The following ARHGAP28 variants were observed in gnomAD, a reference collection of about 807,000 sequenced individuals.
ARHGAP28 encodes the protein Rho GTPase activating protein 28.
A neutral mutation model predicts 90.7 loss-of-function variants in ARHGAP28; 56 were observed. That is an observed-to-expected ratio of 0.62 (90% CI 0.50 to 0.77). The LOEUF (loss-of-function observed/expected upper bound fraction) is 0.77. ARHGAP28 is among the 30% of genes least tolerant of loss of function. The pLI is 0.00. For synonymous variants in ARHGAP28, 308 were observed against 323.3 expected (o/e 0.95, Z 0.51); for missense variants, 869 against 900.9 (o/e 0.96, Z 0.45).
chr18:6,912,349 G>T lies in ARHGAP28; in HGVS notation c.*195G>T. 2.7e-6 allele frequency: 1 copy of T among 367,944 alleles called. No homozygotes were observed. Among genetic ancestry groups the T allele is most frequent in the Admixed American group, 4.5e-5 (1 of 22,400 alleles). 22.8% of individuals were successfully genotyped at this position (367,944 alleles called of 1,614,324 possible). A position where few individuals can be genotyped will look rare whatever the true frequency, so the allele number is the denominator to read the frequency against. On this transcript the variant is annotated 3_prime_UTR_variant, in exon 18 of 18. Transcript: ENST00000383472. ...ACCAATTCAACTGAAGCTTTCTCAT[G>T]ACTTTTTTTTTTATAAAAGTAAAGG...
intron 12 of ARHGAP28, among the ~76,000 whole-genome samples, chr18:6,889,271 T>C (rs1226406814): frequency 6.6e-6 from 1 of 152,200 alleles, no homozygotes; most frequent in African/African-American, 2.4e-5. Flanking sequence ...ATTCTTTATT[T>C]TTTTTAATGC....
chr18:6,886,922 C>T (rs577381794), intron 11 of ARHGAP28, among the ~76,000 whole-genome samples: 5 of 152,210 alleles, frequency 3.3e-5, no homozygotes, highest in South Asian at 2.1e-4. Context: ...CAGAATTATT[C>T]TGAGGATCTC....
intron 4 of ARHGAP28, among the ~76,000 whole-genome samples, chr18:6,854,495 CTT>C (rs1175972779): frequency 6.6e-6 from 1 of 152,110 alleles, no homozygotes; most frequent in African/African-American, 2.4e-5. Flanking sequence ...TCTATTATGT[CTT>C]AAATTCTTTT....
At chr18:6,821,939 ACTT>A (rs1462460481) in intron 1 of ARHGAP28, among the ~76,000 whole-genome samples, 1 of 152,164 alleles carries the variant, frequency 6.6e-6, no homozygotes, top group Admixed American at 6.6e-5. Context: ...CAAATTTCAT[ACTT>A]CTTCAAATAT....
At chr18:6,873,872 G>T (rs2057110097) in intron 9 of ARHGAP28, 97 bp downstream of exon 9, 1 of 1,064,068 alleles carries the variant, frequency 9.4e-7, no homozygotes, top group Non-Finnish European at 1.4e-6. Context: ...TATATTTAAA[G>T]ACACTATCGC....
chr18:6,763,081 G>GTTGT (rs57953826), intron 1 of ARHGAP28, among the ~76,000 whole-genome samples: 20,683 of 151,504 alleles, frequency 0.14, 1,591 homozygotes, highest in Non-Finnish European at 0.17. Flanking sequence ...GAGAGGGATG[G>GTTGT]TTGTTTGTTT....
intron 1 of ARHGAP28, among the ~76,000 whole-genome samples, chr18:6,824,220 C>T (rs9959760): frequency 0.045 from 6,798 of 152,174 alleles, 160 homozygotes; most frequent in Non-Finnish European, 0.054. Flanking sequence ...AATTCCTATA[C>T]GGCCACAGAG....
intron 1 of ARHGAP28, among the ~76,000 whole-genome samples, chr18:6,776,067 C>T (rs2056280901): frequency 6.6e-6 from 1 of 152,070 alleles, no homozygotes; most frequent in South Asian, 2.1e-4. Context: ...ACCCTGAAGA[C>T]AATGGACACA....
chr18:6,787,857 C>G (rs1053172969), intron 1 of ARHGAP28, among the ~76,000 whole-genome samples: 7 of 152,168 alleles, frequency 4.6e-5, no homozygotes, highest in African/African-American at 1.7e-4. Context: ...TTTAAATAAT[C>G]TAATTCCTAT....
intron 1 of ARHGAP28, among the ~76,000 whole-genome samples, chr18:6,758,330 T>C (rs1264229853): frequency 2.6e-5 from 4 of 151,886 alleles, no homozygotes; most frequent in Non-Finnish European, 5.9e-5. Flanking sequence ...TGGAGTCTGG[T>C]GCTTGCTTGT....
intron 1 of ARHGAP28, among the ~76,000 whole-genome samples, chr18:6,747,306 T>A (rs1204590967): frequency 1.3e-5 from 2 of 152,176 alleles, no homozygotes; most frequent in Non-Finnish European, 2.9e-5. Context: ...GTGTGTATAT[T>A]GGTCTATAGA....
intron 16 of ARHGAP28, among the ~76,000 whole-genome samples, chr18:6,899,505 C>T (rs1423781822): frequency 1.3e-5 from 2 of 152,042 alleles, no homozygotes; most frequent in East Asian, 1.9e-4. Flanking sequence ...ACCTTTCTGG[C>T]AATATCTGCC....
intron 15 of ARHGAP28, among the ~76,000 whole-genome samples, chr18:6,896,013 A>T (rs2057302326): frequency 1.3e-5 from 2 of 152,178 alleles, no homozygotes; most frequent in Admixed American, 1.3e-4. Flanking sequence ...ACACTTTGAG[A>T]GGTCCCGTTT....
intron 2 of ARHGAP28, among the ~76,000 whole-genome samples, chr18:6,826,929 C>A (rs1385382658): frequency 1.3e-5 from 2 of 152,068 alleles, no homozygotes. Flanking sequence ...TTTAACAAAG[C>A]ACATCTTGCA....
At chr18:6,863,670 CATATA>C (rs1461781809) in intron 5 of ARHGAP28, among the ~76,000 whole-genome samples, 29 of 151,754 alleles carry the variant, frequency 1.9e-4, no homozygotes, top group Non-Finnish European at 3.5e-4. Flanking sequence ...ATGATATAAA[CATATA>C]ATATATAAAT....
intron 1 of ARHGAP28, 148 bp downstream of exon 1, chr18:6,730,091 C>A: frequency 1.2e-6 from 1 of 826,960 alleles, no homozygotes; most frequent in Non-Finnish European, 1.7e-6. Flanking sequence ...GCCTGGGGTT[C>A]TTTGCATTGT....
intron 14 of ARHGAP28, among the ~76,000 whole-genome samples, chr18:6,894,613 G>T (rs1477738413): frequency 1.3e-5 from 2 of 152,212 alleles, no homozygotes; most frequent in African/African-American, 4.8e-5. Flanking sequence ...TACAATCTGT[G>T]TGTCAGCAAA....
chr18:6,879,921 G>A (rs371667218), intron 10 of ARHGAP28, among the ~76,000 whole-genome samples: 3 of 152,346 alleles, frequency 2.0e-5, no homozygotes, highest in African/African-American at 7.2e-5. Flanking sequence ...TCTGGTTGTA[G>A]CACCTGCCCT....
chr18:6,796,521 T>A (rs1388790537), intron 1 of ARHGAP28, among the ~76,000 whole-genome samples: 1 of 152,158 alleles, frequency 6.6e-6, no homozygotes, highest in Non-Finnish European at 1.5e-5. Flanking sequence ...ATTTGATGTG[T>A]AGGTCATTTT....
Sources: gnomAD v4.1 joint callset for allele counts (sites outside exome capture counted in the v4.1 genomes callset) on GRCh38, gnomAD v4.1.1 for gene constraint, MANE v1.5 for transcripts, NCBI Gene and HGNC (gene_info 2026-07-23, HGNC 2026-07-21) for gene names.